The following EML1 variants were observed in gnomAD, a reference collection of about 807,000 sequenced individuals.
EML1 encodes EMAP like 1.
In EML1, 27 loss-of-function variants were observed where a neutral mutation model predicts 110.4. The observed-to-expected ratio is 0.24, with a 90% CI of 0.18 to 0.34. EML1 has a LOEUF of 0.34. Ranked by LOEUF, EML1 falls within the 10% of genes least tolerant of loss-of-function variation. EML1 has a pLI of 1.00. For missense variants in EML1, 741 were observed against 1,030.9 expected (o/e 0.72, Z 3.85); for synonymous variants, 344 against 385.8 (o/e 0.89, Z 1.27).
chr14:99,893,444 G>A (rs959142841), intron 5 of EML1, among the ~76,000 whole-genome samples: 1 of 152,156 alleles, frequency 6.6e-6, no homozygotes, highest in African/African-American at 2.4e-5. Context: ...GGATGATCGC[G>A]TTCATGACTC....
intron 4 of EML1, among the ~76,000 whole-genome samples, chr14:99,884,706 C>T (rs114785997): frequency 0.059 from 8,971 of 152,156 alleles, 927 homozygotes; most frequent in African/African-American, 0.21. Context: ...TTTTACTTTA[C>T]TATAAAATAA....
chr14:99,889,575 G>T (rs992496849), intron 4 of EML1, among the ~76,000 whole-genome samples: 8 of 152,198 alleles, frequency 5.3e-5, no homozygotes, highest in Non-Finnish European at 1.2e-4. Flanking sequence ...TTTCAGTATG[G>T]AGCAGCGAAC....
intron 4 of EML1, among the ~76,000 whole-genome samples, chr14:99,886,773 A>G (rs1202959874): frequency 6.6e-6 from 1 of 152,180 alleles, no homozygotes; most frequent in African/African-American, 2.4e-5. Context: ...GATGAAAGAG[A>G]TAAGAGCAGA....
At chr14:99,737,873 G>A (rs761919542) in intron 1 of EML1, 34 of 1,288,908 alleles carry the variant, frequency 2.6e-5, no homozygotes, top group South Asian at 3.7e-5. Flanking sequence ...GAGTGGCAGC[G>A]CTATATTTAC....
At chr14:99,927,777 GGTA>G (rs2060262459) in intron 17 of EML1, among the ~76,000 whole-genome samples, 2 of 107,008 alleles carry the variant, frequency 1.9e-5, no homozygotes, top group African/African-American at 3.8e-5. Flanking sequence ...TAGTGGTGGT[GGTA>G]GTGGTGGTGG....
chr14:99,922,280 T>G (rs547414694), intron 17 of EML1, among the ~76,000 whole-genome samples: 2 of 152,216 alleles, frequency 1.3e-5, no homozygotes, highest in Non-Finnish European at 2.9e-5. Context: ...CACACCTGGC[T>G]AATTTTTGTA....
chr14:99,831,971 G>C (rs182764105), intron 1 of EML1, among the ~76,000 whole-genome samples: 34 of 151,836 alleles, frequency 2.2e-4, no homozygotes, highest in Admixed American at 1.9e-3. Context: ...ATATGTTCAT[G>C]AGACCATAAC....
At chr14:99,796,642 A>G (rs992273428) in intron 1 of EML1, among the ~76,000 whole-genome samples, 4 of 151,674 alleles carry the variant, frequency 2.6e-5, no homozygotes, top group Non-Finnish European at 5.9e-5. Context: ...GGTGCGTGCT[A>G]TCATGCCCAG....
intron 3 of EML1, 90 bp downstream of exon 3, chr14:99,865,736 C>T: frequency 6.8e-7 from 1 of 1,460,302 alleles, no homozygotes; most frequent in Non-Finnish European, 9.1e-7. Flanking sequence ...TGACATTGTA[C>T]AATTTCTTCT....
intron 2 of EML1, among the ~76,000 whole-genome samples, chr14:99,865,151 A>G (rs2059074154): frequency 6.6e-6 from 1 of 152,242 alleles, no homozygotes; most frequent in African/African-American, 2.4e-5. Context: ...AATCAGTGGC[A>G]GTCCTGAGCT....
At chr14:99,938,450 G>A (rs567280589) in intron 20 of EML1, among the ~76,000 whole-genome samples, 95 of 152,314 alleles carry the variant, frequency 6.2e-4, no homozygotes, top group African/African-American at 2.2e-3. Context: ...GCTGAGGTCC[G>A]GAGGTTCACT....
chr14:99,859,711 G>C (rs978907363), intron 2 of EML1, among the ~76,000 whole-genome samples: 2 of 151,720 alleles, frequency 1.3e-5, no homozygotes, highest in African/African-American at 4.9e-5. Context: ...TTTTGGGGGA[G>C]AATGTGCCTA....
At position 99,940,455 on chromosome 14, in the gene EML1, T is replaced by A. The variant is rs192166761; in HGVS notation, c.*343T>A. ...ACAGAATGCCTTTTAAAACATTGTA[T>A]ATAATCTTCACTGTTTCACCATCTA... is the stretch of plus-strand genomic sequence containing the variant. On this transcript the variant is annotated 3_prime_UTR_variant, in exon 22 of 22. Coordinates refer to ENST00000262233, the MANE Select transcript of EML1 (RefSeq NM_004434.3). 2.3e-5 allele frequency: 4 copies of A among 170,920 alleles called. No homozygotes were observed. The highest frequency in any genetic ancestry group is 9.5e-5 in the African/African-American group (4 of 42,326). 10.6% of individuals were successfully genotyped at this position (170,920 alleles called of 1,614,324 possible).
chr14:99,907,549 T>C, intron 9 of EML1, 89 bp from the exon 10 acceptor site: 1 of 1,176,364 alleles, frequency 8.5e-7, no homozygotes, highest in Non-Finnish European at 1.2e-6. Context: ...AGACTCTTTA[T>C]TAAAAATGAA....
chr14:99,892,020 T>C, intron 5 of EML1: 1 of 399,262 alleles, frequency 2.5e-6, no homozygotes, highest in Non-Finnish European at 3.4e-6. Flanking sequence ...CCCTGAACCG[T>C]GTCCAGATTT....
intron 1 of EML1, among the ~76,000 whole-genome samples, chr14:99,766,706 G>A (rs758868407): frequency 3.3e-5 from 5 of 152,080 alleles, no homozygotes; most frequent in Admixed American, 2.0e-4. Context: ...TTAAATGTCC[G>A]CCCAAATCAA....
At chr14:99,884,267 G>A (rs922499997) in intron 4 of EML1, among the ~76,000 whole-genome samples, 5 of 152,172 alleles carry the variant, frequency 3.3e-5, no homozygotes, top group Admixed American at 3.3e-4. Flanking sequence ...TCTTGGGGAT[G>A]TCTTGGAATT....
chr14:99,834,685 A>T (rs1298468977), intron 1 of EML1, among the ~76,000 whole-genome samples: 1 of 152,226 alleles, frequency 6.6e-6, no homozygotes, highest in Non-Finnish European at 1.5e-5. Flanking sequence ...ATGCTGGCCT[A>T]ATAGATGAGT....
chr14:99,825,281 G>A (rs751175614), intron 1 of EML1, among the ~76,000 whole-genome samples: 50 of 152,134 alleles, frequency 3.3e-4, no homozygotes, highest in Admixed American at 5.9e-4. Flanking sequence ...CCCTGTGCCT[G>A]GCCACCACAT....
Sources: allele counts gnomAD v4.1 joint callset (sites outside exome capture counted in the v4.1 genomes callset), GRCh38; gene constraint gnomAD v4.1.1; transcripts MANE v1.5; gene names NCBI Gene and HGNC (gene_info 2026-07-23, HGNC 2026-07-21).